The following GARNL3 variants were observed in gnomAD, a reference collection of about 807,000 sequenced individuals.
GARNL3 encodes the protein GTPase-activating Rap/Ran-GAP domain-like protein 3.
A neutral mutation model predicts 125.0 loss-of-function variants in GARNL3; 63 were observed. That is an observed-to-expected ratio of 0.50 (90% CI 0.41 to 0.62). The LOEUF (loss-of-function observed/expected upper bound fraction) is 0.62. GARNL3 is among the 20% of genes least tolerant of loss of function. The probability of loss-of-function intolerance (pLI) is 0.00; values close to 1 mark genes in which losing one functional copy is unlikely to be tolerated. For missense variants in GARNL3, 994 were observed against 1,244.0 expected (o/e 0.80, Z 3.02); for synonymous variants, 439 against 457.5 (o/e 0.96, Z 0.52).
At chr9:127,254,684 G>A (rs978071122) in intron 2 of GARNL3, among the ~76,000 whole-genome samples, 5 of 151,310 alleles carry the variant, frequency 3.3e-5, no homozygotes, top group South Asian at 2.1e-4. Flanking sequence ...CAGGAAAATC[G>A]TTTGAACCTG....
intron 2 of GARNL3, among the ~76,000 whole-genome samples, chr9:127,302,869 G>A (rs773697306): frequency 7.2e-5 from 11 of 151,992 alleles, no homozygotes; most frequent in Non-Finnish European, 1.2e-4. Flanking sequence ...AAATATTCCC[G>A]GGCTGGGCAT....
rs907617600 is a variant in GARNL3, at chr9:127,243,351, A to G, written c.143+102A>G. ...GAATATACTTTTTACTTCTGGGGGG[A>G]TAGTGGGGAGGGAGAGAGGAGTGGA... is the stretch of plus-strand genomic sequence containing the variant. On this transcript the variant is annotated intron_variant, in intron 2 of 10. Coordinates refer to the GARNL3 transcript ENST00000439286. 7 of 955,036 alleles carry G rather than the reference A, an allele frequency of 7.3e-6. No individual in the cohort carries two copies. In the African/African-American group the frequency reaches 1.2e-4, roughly 16 times the overall value. The allele number at this position is 955,036 out of a possible 1,614,324, so 59.2% of individuals were successfully genotyped here.
intron 21 of GARNL3, 136 bp downstream of exon 21, chr9:127,357,513 T>G: frequency 3.7e-6 from 3 of 819,926 alleles, no homozygotes; most frequent in Non-Finnish European, 5.7e-6. Flanking sequence ...TGTGATTCAC[T>G]ATTTAGACTG....
intron 1 of GARNL3, among the ~76,000 whole-genome samples, chr9:127,271,832 T>A (rs2063830606): frequency 6.7e-6 from 1 of 150,322 alleles, no homozygotes; most frequent in Non-Finnish European, 1.5e-5. Context: ...TGATTTCAAG[T>A]CAGGATAAAA....
chr9:127,365,136 T>A lies in GARNL3; in HGVS notation c.2095-164T>A. 1.4e-5 allele frequency: 9 copies of A among 633,520 alleles called. No individual in the cohort carries two copies. In the South Asian group the frequency reaches 1.8e-4, roughly 13 times the overall value. 39.2% of individuals were successfully genotyped at this position (633,520 alleles called of 1,614,324 possible). A position where few individuals can be genotyped will look rare whatever the true frequency, so the allele number is the denominator to read the frequency against. On this transcript the variant is annotated intron_variant, in intron 21 of 27. Coordinates refer to ENST00000373387, the MANE Select transcript of GARNL3 (RefSeq NM_032293.5). ...CTTTCTCACTTCCATTGTATTATAATCCCAGCCCCCAATGTGCATTGTGGG... is the reference window on the plus strand; with the variant it reads ...CTTTCTCACTTCCATTGTATTATAAACCCAGCCCCCAATGTGCATTGTGGG...
In GARNL3 at chr9:127,266,960, TCTGGAAGG is replaced by T. The variant is rs903134183; in HGVS notation, c.144+1943_144+1950del. On this transcript the variant is annotated intron_variant, in intron 1 of 27. Transcript: ENST00000373387. The surrounding 1 kb of genome is among the most constrained non-coding windows in gnomAD (Gnocchi z 4.0). Reference sequence around the variant, plus strand: ...CAAACTTGAGCAGACATCAGAACTCTCTGGAAGGCTGATTAAAACATAGATTGCTGGGC... The same window carrying T: ...CAAACTTGAGCAGACATCAGAACTCTCTGATTAAAACATAGATTGCTGGGC... Among the ~76,000 whole-genome samples the T allele has an allele frequency of 2.0e-5, 3 of 152,206 alleles. No individual in the cohort carries two copies. The highest frequency in any genetic ancestry group is 6.5e-5 in the Admixed American group (1 of 15,284).
chr9:127,268,041 G>T lies in GARNL3; in HGVS notation c.144+3020G>T, dbSNP rs192820821. The stretch of plus-strand genomic sequence containing the variant: ...GAAGATGGAAACCCAGATCTTGACA[G>T]ACTCATGGGAGAACTACTTAGCATT... On this transcript the variant is annotated intron_variant, in intron 1 of 27. Transcript: ENST00000373387. Among the ~76,000 whole-genome samples, 643 of 152,320 alleles carry T rather than the reference G, an allele frequency of 4.2e-3. 3 individuals are homozygous for T. The highest frequency in any genetic ancestry group is 7.5e-3 in the Non-Finnish European group (507 of 68,030).
At chr9:127,374,694 T>C (rs371787816) in intron 22 of GARNL3, among the ~76,000 whole-genome samples, 5 of 152,120 alleles carry the variant, frequency 3.3e-5, no homozygotes, top group African/African-American at 1.2e-4. Context: ...CTTGATGAGG[T>C]AGTCCATCAG....
chr9:127,319,415 G>A (rs2065332781), intron 5 of GARNL3, among the ~76,000 whole-genome samples: 1 of 152,142 alleles, frequency 6.6e-6, no homozygotes, highest in Non-Finnish European at 1.5e-5. Context: ...CTGGGAGGTG[G>A]AGGGTGCAGT....
Position 127,313,558 on chromosome 9 carries a change from CAGTA to C in GARNL3, c.438+4_438+7del, listed in dbSNP as rs2065152359. On this transcript the variant is annotated splice_donor_variant and splice_donor_region_variant and coding_sequence_variant and intron_variant, in exon 4 of 28. Transcript: ENST00000373387. LOFTEE classifies it high-confidence loss of function. Reference sequence around the variant, plus strand: ...TACCGTGCAATTCTTTGGAGAAAAACAGTAAGTATATGGCTCACACTTGAAGCAA... The same window carrying C: ...TACCGTGCAATTCTTTGGAGAAAAACAGTATATGGCTCACACTTGAAGCAA... 1 of 1,604,268 alleles carries C rather than the reference CAGTA, an allele frequency of 6.2e-7. No homozygotes were observed.
At chr9:127,293,573 G>C (rs932359262) in intron 2 of GARNL3, among the ~76,000 whole-genome samples, 1 of 151,876 alleles carries the variant, frequency 6.6e-6, no homozygotes, top group Non-Finnish European at 1.5e-5. Flanking sequence ...ATAGTTTACT[G>C]TTCCCTTGAG....
rs1161629810 is a variant in GARNL3, at chr9:127,231,050, A to ATATTTTTTT, written c.-29+6713_-29+6714insATTTTTTTT. The stretch of plus-strand genomic sequence containing the variant: ...TGTATATATACATATATATATATAT[A>ATATTTTTTT]TTTTTTTTTTTTTTTTTTTTTTGAG... On this transcript the variant is annotated intron_variant, in intron 1 of 10. Coordinates refer to the GARNL3 transcript ENST00000439286. Among the ~76,000 whole-genome samples the ATATTTTTTT allele has an allele frequency of 1.2e-4, 11 of 89,548 alleles. 1 individual carries two copies. The highest frequency in any genetic ancestry group is 8.7e-4 in the East Asian group (3 of 3,464). The allele number at this position is 89,548 out of a possible 152,430, so 58.7% of individuals were successfully genotyped here. A position where few individuals can be genotyped will look rare whatever the true frequency, so the allele number is the denominator to read the frequency against.
chr9:127,375,455 G>A (rs1191213506), intron 22 of GARNL3, among the ~76,000 whole-genome samples: 1 of 142,574 alleles, frequency 7.0e-6, no homozygotes, highest in Non-Finnish European at 1.5e-5. Flanking sequence ...GACAGAGCAA[G>A]ACTCTGTCTC....
At chr9:127,251,505 A>C (rs1042888967) in intron 2 of GARNL3, among the ~76,000 whole-genome samples, 2 of 152,238 alleles carry the variant, frequency 1.3e-5, no homozygotes, top group Non-Finnish European at 2.9e-5. Flanking sequence ...AAAAGCACAG[A>C]GTAAGCTGCT....
chr9:127,282,383 G>C (rs2131336997), intron 1 of GARNL3, among the ~76,000 whole-genome samples: 1 of 152,106 alleles, frequency 6.6e-6, no homozygotes, highest in East Asian at 1.9e-4. Context: ...ATTATGTCCA[G>C]GTACTATTCT....
chr9:127,279,413 T>C (rs1024383820), intron 1 of GARNL3, among the ~76,000 whole-genome samples: 3 of 152,206 alleles, frequency 2.0e-5, no homozygotes, highest in Non-Finnish European at 2.9e-5. Context: ...TGACTGTCTT[T>C]TCTTTCTTTT....
At position 127,390,643 on chromosome 9, in the gene GARNL3, C is replaced by A; in HGVS notation, c.2746C>A (p.Leu916Ile). The part of the protein sequence containing the change: ...ASRTRRELLG[L>I]SDEGGPKSEG... ...CTGACCTATGATTCTCAATCCAGGC[C>A]TCTCGGATGAAGGTGGACCCAAGTC... Residue 916 changes from leucine to isoleucine, a missense_variant and splice_region_variant, in exon 27 of 28, where the codon CTC becomes ATC. By Grantham distance (5) the Leu-to-Ile change is conservative. Transcript: ENST00000373387. The A allele has an allele frequency of 6.2e-7, 1 of 1,613,846 alleles. No individual in the cohort carries two copies. The highest frequency in any genetic ancestry group is 1.1e-5 in the South Asian group (1 of 91,066).
Position 127,242,482 on chromosome 9 carries a change from A to G in GARNL3, c.-28-597A>G, listed in dbSNP as rs1047654816. On this transcript the variant is annotated intron_variant, in intron 1 of 10. Coordinates refer to the GARNL3 transcript ENST00000439286. The surrounding 1 kb of genome is among the most constrained non-coding windows in gnomAD (Gnocchi z 4.6). ...TGCATCATCGGAGAAAGGAGCAGAC[A>G]CATCTCAGGAATGCATTTCTCAGTT... 6.6e-6 allele frequency among the ~76,000 whole-genome samples: 1 copy of G among 152,210 alleles called. No homozygotes were observed. The highest frequency in any genetic ancestry group is 2.4e-5 in the African/African-American group (1 of 41,454).
intron 22 of GARNL3, 122 bp from the exon 23 acceptor site, chr9:127,383,316 T>C (rs1333410570): frequency 1.2e-5 from 7 of 587,410 alleles, no homozygotes; most frequent in Non-Finnish European, 2.1e-5. Context: ...GTATTCATAC[T>C]GGCTATTTAT....
Sources: gnomAD v4.1 joint callset for allele counts (sites outside exome capture counted in the v4.1 genomes callset) on GRCh38, gnomAD v4.1.1 for gene constraint, Gnocchi (gnomAD v3.1) non-coding constraint, MANE v1.5 for transcripts, NCBI Gene and HGNC (gene_info 2026-07-23, HGNC 2026-07-21) for gene names.